Variants in DOCK4 observed in about 807,000 individuals in gnomAD.
DOCK4 encodes the protein dedicator of cytokinesis protein 4.
DOCK4 carries 97 observed loss-of-function variants against 268.1 expected under a neutral mutation model. The ratio of observed to expected loss-of-function variants is 0.36; its 90% CI spans 0.31 to 0.43. DOCK4 has a LOEUF of 0.43. Ranked by LOEUF, DOCK4 falls within the 20% of genes least tolerant of loss-of-function variation. The probability of loss-of-function intolerance (pLI) is 1.00; values close to 1 mark genes in which losing one functional copy is unlikely to be tolerated. For missense variants in DOCK4, 2,145 were observed against 2,455.7 expected (o/e 0.87, Z 2.67); for synonymous variants, 954 against 887.2 (o/e 1.08, Z -1.34).
intron 12 of DOCK4, among the ~76,000 whole-genome samples, chr7:111,933,067 C>A (rs1209591757): frequency 6.8e-6 from 1 of 146,166 alleles, no homozygotes; most frequent in Non-Finnish European, 1.5e-5. Flanking sequence ...TATATATATA[C>A]ATATATATAC....
chr7:111,749,603 G>A lies in DOCK4; in HGVS notation c.4417-2160C>T, dbSNP rs573310644. 5.9e-5 allele frequency among the ~76,000 whole-genome samples: 9 copies of A among 151,630 alleles called. No individual in the cohort carries two copies. The South Asian group carries it at 1.7e-3, about 29-fold the overall frequency. On this transcript the variant is annotated intron_variant, in intron 42 of 52. Transcript: ENST00000428084. ...ATAAAACAAGACATAATAAACACAG[G>A]CAAAATACAAACGACTTGGAAAATA... is the stretch of plus-strand genomic sequence containing the variant.
At position 111,863,379 on chromosome 7, in the gene DOCK4, G is replaced by A. The variant is rs202067157; in HGVS notation, c.2466C>T (p.Thr822=). ...IGKTVESQLY[T]NPDSRYILLP... The stretch of plus-strand genomic sequence containing the variant: ...CCAAGAGACTCACCCTACCTGGGTT[G>A]GTATAAAGCTGGCTTTCCACGGTTT... The change falls in exon 23 of 53, where the codon ACC becomes ACT. Residue 822 remains threonine, a synonymous_variant. Transcript: ENST00000428084. The A allele has an allele frequency of 3.1e-6, 5 of 1,613,984 alleles. No homozygotes were observed. In the East Asian group the frequency reaches 6.7e-5, roughly 22 times the overall value.
intron 1 of DOCK4, among the ~76,000 whole-genome samples, chr7:112,063,724 C>G (rs554722129): frequency 6.6e-6 from 1 of 152,174 alleles, no homozygotes; most frequent in African/African-American, 2.4e-5. Context: ...GCTCATCTTC[C>G]AATTTAGGGT....
chr7:112,013,666 C>G (rs1029577227), intron 1 of DOCK4, among the ~76,000 whole-genome samples: 1 of 152,238 alleles, frequency 6.6e-6, no homozygotes, highest in Non-Finnish European at 1.5e-5. Flanking sequence ...CTCGGTCACA[C>G]GTGTCCATGT....
chr7:112,122,502 C>A (rs2523008), intron 1 of DOCK4, among the ~76,000 whole-genome samples: 2 of 151,854 alleles, frequency 1.3e-5, no homozygotes, highest in Admixed American at 6.6e-5. Flanking sequence ...AACTCCTGGC[C>A]TCAAGCAATC....
chr7:112,109,877 T>A (rs1262529922), intron 1 of DOCK4, among the ~76,000 whole-genome samples: 1 of 150,820 alleles, frequency 6.6e-6, no homozygotes, highest in Non-Finnish European at 1.5e-5. Flanking sequence ...CCCAAGTAGC[T>A]GGGACTACAG....
rs1402134828 is a variant in DOCK4 at position 111,754,309 on chromosome 7, T to C, written c.4416+1206A>G. Among the ~76,000 whole-genome samples the C allele has an allele frequency of 2.0e-5, 3 of 152,316 alleles. No homozygotes were observed. In the East Asian group the frequency reaches 5.8e-4, roughly 29 times the overall value. On this transcript the variant is annotated intron_variant, in intron 42 of 52. Coordinates refer to ENST00000428084, the MANE Select transcript of DOCK4 (RefSeq NM_001363540.2). ...ATAGAGTTCAATTTTAACTTTTAAATCCTTAGCTTAATTGAACATGATAGG... is the reference window on the plus strand; with the variant it reads ...ATAGAGTTCAATTTTAACTTTTAAACCCTTAGCTTAATTGAACATGATAGG...
chr7:111,778,256 G>A lies in DOCK4; in HGVS notation c.3679+20C>T. ...AATACATCAGCTCCCTTCCCAATCT[G>A]AGCCAAAAGACAGAATTACCTGTAA... On this transcript the variant is annotated intron_variant, in intron 36 of 52. Transcript: ENST00000428084. The A allele has an allele frequency of 6.4e-7, 1 of 1,571,832 alleles. No individual in the cohort carries two copies. The highest frequency in any genetic ancestry group is 1.7e-5 in the Admixed American group (1 of 59,768).
chr7:111,814,426 G>T (rs981423363), intron 27 of DOCK4, among the ~76,000 whole-genome samples: 1 of 152,118 alleles, frequency 6.6e-6, no homozygotes, highest in African/African-American at 2.4e-5. Flanking sequence ...AGAACATCAG[G>T]ATTGTCAAAG....
intron 17 of DOCK4, among the ~76,000 whole-genome samples, chr7:111,876,427 A>T (rs941842151): frequency 5.3e-5 from 8 of 152,186 alleles, no homozygotes; most frequent in African/African-American, 1.9e-4. Flanking sequence ...TTATAAAGTG[A>T]TTCTTCTCAA....
chr7:112,180,223 G>GC (rs1251787449), intron 1 of DOCK4, among the ~76,000 whole-genome samples: 1 of 151,806 alleles, frequency 6.6e-6, no homozygotes, highest in East Asian at 1.9e-4. Context: ...GAAGGAGGTA[G>GC]CCCCCCTCAA....
intron 44 of DOCK4, among the ~76,000 whole-genome samples, chr7:111,742,562 C>T (rs970639659): frequency 1.3e-5 from 2 of 148,230 alleles, no homozygotes; most frequent in African/African-American, 2.5e-5. Context: ...CCTCTCCCCC[C>T]ACATTTCCCT....
chr7:111,784,569 G>A, intron 32 of DOCK4: 1 of 427,956 alleles, frequency 2.3e-6, no homozygotes, highest in South Asian at 1.7e-5. Context: ...TAATCACAGA[G>A]GATTTTCCAT....
At chr7:112,153,676 C>T (rs961827423) in intron 1 of DOCK4, among the ~76,000 whole-genome samples, 2 of 152,086 alleles carry the variant, frequency 1.3e-5, no homozygotes, top group Non-Finnish European at 2.9e-5. Flanking sequence ...TGGGAACCAA[C>T]CCATTATTTA....
chr7:112,162,905 T>C (rs891433812), intron 1 of DOCK4, among the ~76,000 whole-genome samples: 11 of 152,322 alleles, frequency 7.2e-5, no homozygotes, highest in Admixed American at 7.2e-4. Flanking sequence ...GACACTTGAC[T>C]TTCCAGTAAA....
chr7:111,960,166 C>T (rs1208761552), intron 8 of DOCK4, among the ~76,000 whole-genome samples: 2 of 151,810 alleles, frequency 1.3e-5, no homozygotes, highest in Non-Finnish European at 2.9e-5. Context: ...GAGATGGAGA[C>T]AATCCTGGCT....
intron 23 of DOCK4, among the ~76,000 whole-genome samples, chr7:111,852,201 C>G (rs974671441): frequency 6.6e-6 from 1 of 152,010 alleles, no homozygotes; most frequent in African/African-American, 2.4e-5. Context: ...TCCGCTCAGG[C>G]AATTCATCCT....
chr7:112,035,396 C>A (rs560720622), intron 1 of DOCK4, among the ~76,000 whole-genome samples: 1 of 152,220 alleles, frequency 6.6e-6, no homozygotes, highest in South Asian at 2.1e-4. Flanking sequence ...CATAAGAAGA[C>A]TTTCGGTGAA....
intron 13 of DOCK4, among the ~76,000 whole-genome samples, chr7:111,911,903 G>C (rs1457185918): frequency 6.6e-6 from 1 of 152,024 alleles, no homozygotes; most frequent in Non-Finnish European, 1.5e-5. Flanking sequence ...GTTATTTATA[G>C]CAACTGAAGG....
Sources: gnomAD v4.1 joint callset for allele counts (sites outside exome capture counted in the v4.1 genomes callset) on GRCh38, gnomAD v4.1.1 for gene constraint, MANE v1.5 for transcripts, NCBI Gene and HGNC (gene_info 2026-07-23, HGNC 2026-07-21) for gene names.